Variants in PDE4D observed in about 807,000 individuals in gnomAD.
PDE4D encodes the protein phosphodiesterase 4D, also known as 3',5'-cyclic-AMP phosphodiesterase 4D.
PDE4D carries 24 observed loss-of-function variants against 87.4 expected under a neutral mutation model. The observed-to-expected ratio is 0.27, with a 90% CI of 0.20 to 0.39. The LOEUF (loss-of-function observed/expected upper bound fraction) is 0.39. Among genes scored for constraint, PDE4D ranks in the 10% least tolerant of loss-of-function variants. The probability of loss-of-function intolerance (pLI) is 1.00; values close to 1 mark genes in which losing one functional copy is unlikely to be tolerated. For missense variants in PDE4D, 714 were observed against 1,041.0 expected (o/e 0.69, Z 4.32); for synonymous variants, 384 against 383.2 (o/e 1.00, Z -0.02).
At chr5:59,114,829 T>A (rs146754597) in intron 5 of PDE4D, among the ~76,000 whole-genome samples, 2 of 149,718 alleles carry the variant, frequency 1.3e-5, no homozygotes, top group African/African-American at 4.9e-5. Context: ...ACAGCAGTAG[T>A]TGCAACAGAG....
intron 1 of PDE4D, among the ~76,000 whole-genome samples, chr5:59,801,578 A>T (rs1167971476): frequency 6.6e-6 from 1 of 152,218 alleles, no homozygotes; most frequent in Non-Finnish European, 1.5e-5. Context: ...ATATGACTGA[A>T]ATCAATCTGT....
intron 2 of PDE4D, among the ~76,000 whole-genome samples, chr5:60,043,937 T>A (rs1451387729): frequency 2.0e-5 from 3 of 152,216 alleles, no homozygotes; most frequent in African/African-American, 7.2e-5. Flanking sequence ...TATTTCACGC[T>A]ACCTTCTTCT....
chr5:59,641,242 T>TA (rs922192270), intron 1 of PDE4D, among the ~76,000 whole-genome samples: 3 of 151,444 alleles, frequency 2.0e-5, no homozygotes, highest in Admixed American at 1.3e-4. Context: ...TGGTGCCACT[T>TA]AAAAAAAAAG....
At chr5:59,637,543 T>C (rs769951237) in intron 1 of PDE4D, among the ~76,000 whole-genome samples, 14 of 151,812 alleles carry the variant, frequency 9.2e-5, no homozygotes, top group African/African-American at 2.7e-4. Context: ...GTGGCACATA[T>C]ACACCATGGA....
intron 1 of PDE4D, among the ~76,000 whole-genome samples, chr5:60,234,266 A>G (rs1746159644): frequency 6.6e-6 from 1 of 151,854 alleles, no homozygotes. Context: ...GTTGTAGCAT[A>G]TATCAATACT....
chr5:59,720,272 C>T (rs2150553859), intron 1 of PDE4D, among the ~76,000 whole-genome samples: 1 of 152,208 alleles, frequency 6.6e-6, no homozygotes, highest in Middle Eastern at 3.4e-3. Context: ...AGCAATCCTC[C>T]CACCTCAGTC....
At chr5:60,078,141 C>T (rs1773520868) in intron 2 of PDE4D, among the ~76,000 whole-genome samples, 1 of 152,176 alleles carries the variant, frequency 6.6e-6, no homozygotes, top group Non-Finnish European at 1.5e-5. Context: ...CAGAGACTTA[C>T]CAGCTTGCAA....
intron 1 of PDE4D, among the ~76,000 whole-genome samples, chr5:59,525,851 T>G (rs1813036562): frequency 6.6e-6 from 1 of 152,152 alleles, no homozygotes; most frequent in Admixed American, 6.5e-5. Context: ...CCTGCCGCCA[T>G]GTGAATAAGA....
At chr5:59,288,468 A>AAT (rs1263280158) in intron 1 of PDE4D, among the ~76,000 whole-genome samples, 4 of 152,060 alleles carry the variant, frequency 2.6e-5, no homozygotes, top group Non-Finnish European at 4.4e-5. Flanking sequence ...ATAGTCTCAA[A>AAT]AGGGCAAATC....
intron 1 of PDE4D, among the ~76,000 whole-genome samples, chr5:59,248,796 G>A (rs1759372614): frequency 6.6e-6 from 1 of 152,058 alleles, no homozygotes; most frequent in African/African-American, 2.4e-5. Context: ...TAGGGCACAT[G>A]TAACAAATGG....
chr5:60,074,179 G>A (rs1047395486), intron 2 of PDE4D, among the ~76,000 whole-genome samples: 25 of 151,882 alleles, frequency 1.6e-4, no homozygotes, highest in Admixed American at 1.6e-3. Context: ...TAAATTTCCT[G>A]GTTAACATTG....
At chr5:59,904,730 G>T (rs1385725517) in intron 3 of PDE4D, among the ~76,000 whole-genome samples, 1 of 152,142 alleles carries the variant, frequency 6.6e-6, no homozygotes, top group Non-Finnish European at 1.5e-5. Context: ...AAAGAGAGAG[G>T]ATAGGTACCT....
chr5:59,149,833 A>G (rs978215238), intron 5 of PDE4D, among the ~76,000 whole-genome samples: 4 of 150,844 alleles, frequency 2.7e-5, no homozygotes, highest in Non-Finnish European at 5.9e-5. Context: ...GGAACAACAG[A>G]CTCATTAGAT....
intron 1 of PDE4D, among the ~76,000 whole-genome samples, chr5:59,752,594 C>G (rs1043505333): frequency 6.6e-6 from 1 of 152,104 alleles, no homozygotes; most frequent in Non-Finnish European, 1.5e-5. Flanking sequence ...AAAACAATCC[C>G]TCGTCCCCTA....
chr5:60,433,809 A>T (rs1370729612), intron 1 of PDE4D, among the ~76,000 whole-genome samples: 1 of 152,242 alleles, frequency 6.6e-6, no homozygotes, highest in Non-Finnish European at 1.5e-5. Context: ...TCCTAAGAGA[A>T]CTAACACAGG....
chr5:59,120,437 G>A (rs1390494741), intron 5 of PDE4D, among the ~76,000 whole-genome samples: 1 of 152,050 alleles, frequency 6.6e-6, no homozygotes, highest in African/African-American at 2.4e-5. Context: ...CAGGCACTTT[G>A]AGTATCAACA....
intron 1 of PDE4D, among the ~76,000 whole-genome samples, chr5:60,520,532 CTT>C (rs930026756): frequency 3.3e-5 from 5 of 152,232 alleles, no homozygotes; most frequent in African/African-American, 1.2e-4. Context: ...CATTCACTCT[CTT>C]TATCTTGTGA....
At chr5:59,683,743 T>C (rs1384777837) in intron 1 of PDE4D, among the ~76,000 whole-genome samples, 1 of 152,232 alleles carries the variant, frequency 6.6e-6, no homozygotes, top group East Asian at 1.9e-4. Context: ...TTCTTCATTG[T>C]AATTTATTAG....
intron 1 of PDE4D, among the ~76,000 whole-genome samples, chr5:60,250,563 A>G (rs906121758): frequency 3.9e-5 from 6 of 151,988 alleles, no homozygotes; most frequent in Non-Finnish European, 7.4e-5. Context: ...AAAAATTCCT[A>G]TAGCCTAGTT....
Sources: gnomAD v4.1 joint callset for allele counts (sites outside exome capture counted in the v4.1 genomes callset) on GRCh38, gnomAD v4.1.1 for gene constraint, MANE v1.5 for transcripts, NCBI Gene and HGNC (gene_info 2026-07-23, HGNC 2026-07-21) for gene names.